UNKL: variants seen among roughly 807,000 people sequenced by gnomAD.
UNKL encodes unk like zinc finger, also known as putative E3 ubiquitin-protein ligase UNKL.
In UNKL, 60 loss-of-function variants were observed where a neutral mutation model predicts 78.0. The observed-to-expected ratio is 0.77, with a 90% CI of 0.63 to 0.95. The LOEUF is 0.95. Ranked by LOEUF, UNKL falls within the 40% of genes least tolerant of loss-of-function variation. The pLI, the probability that UNKL is intolerant of heterozygous loss-of-function variation, is 0.00. For synonymous variants in UNKL, 608 were observed against 474.8 expected (o/e 1.28, Z -3.65); for missense variants, 1,159 against 1,045.7 (o/e 1.11, Z -1.49).
intron 10 of UNKL, 53 bp downstream of exon 10, chr16:1,385,155 C>A (rs1163274872): frequency 8.3e-7 from 1 of 1,206,124 alleles, no homozygotes; most frequent in Non-Finnish European, 1.0e-6. Context: ...TGAAAAGCTA[C>A]AGCATGAACA....
At chr16:1,407,398 C>G (rs1193227523) in intron 2 of UNKL, 1 of 151,990 alleles carries the variant, frequency 6.6e-6, no homozygotes, top group Non-Finnish European at 1.5e-5. Flanking sequence ...CAGGTGACAC[C>G]GCCAAACAGA....
rs757505136 is a variant in UNKL at position 1,371,628 on chromosome 16, C to A, written c.1265-17G>T. On this transcript the variant is annotated splice_polypyrimidine_tract_variant and intron_variant, in intron 10 of 14. Transcript: ENST00000389221. Reference sequence around the variant, plus strand: ...ACGCAGAACCTGTCAACAGAGCCCCCCATCATCCACAGCCCACCCAGCGCT... The same window carrying A: ...ACGCAGAACCTGTCAACAGAGCCCCACATCATCCACAGCCCACCCAGCGCT... 186 of 1,535,278 alleles carry A rather than the reference C, an allele frequency of 1.2e-4. No individual in the cohort carries two copies. Among genetic ancestry groups the A allele is most frequent in the Non-Finnish European group, 1.6e-4 (180 of 1,146,342 alleles).
chr16:1,399,239 T>A lies in UNKL; in HGVS notation c.734+135A>T. 1 of 1,368,266 alleles carries A rather than the reference T, an allele frequency of 7.3e-7. No individual in the cohort carries two copies. The highest frequency in any genetic ancestry group is 9.6e-7 in the Non-Finnish European group (1 of 1,041,216). 84.8% of individuals were successfully genotyped at this position (1,368,266 alleles called of 1,614,324 possible). A position where few individuals can be genotyped will look rare whatever the true frequency, so the allele number is the denominator to read the frequency against. ...CTCCCACAGCCACTGTGCTTGGAGA[T>A]GCCCTCCCCTCCCGGGGATGATGGT... is the stretch of plus-strand genomic sequence containing the variant. On this transcript the variant is annotated intron_variant, in intron 5 of 14. Transcript: ENST00000389221. The surrounding 1 kb of genome is among the most constrained non-coding windows in gnomAD (Gnocchi z 5.8).
chr16:1,372,743 G>A (rs1181992272), intron 10 of UNKL, among the ~76,000 whole-genome samples: 4 of 152,196 alleles, frequency 2.6e-5, no homozygotes, highest in Non-Finnish European at 5.9e-5. Context: ...GGAGCTCTGG[G>A]ATACACCCTG....
rs117668983 is a variant in UNKL, at chr16:1,382,133, G to C, written c.1264+3075C>G. ...CCCTAGTTTCAAACTGAAAACACAT[G>C]TGGGCTTGTTTCTGCCTGAGAGAAA... On this transcript the variant is annotated intron_variant, in intron 10 of 14. Transcript: ENST00000389221. Among the ~76,000 whole-genome samples the C allele has an allele frequency of 1.1e-4, 17 of 152,318 alleles. No individual in the cohort carries two copies. In the East Asian group the frequency reaches 2.9e-3, roughly 26 times the overall value.
Position 1,399,454 on chromosome 16 carries a change from G to A in UNKL, c.654C>T (p.Arg218=), listed in dbSNP as rs763513022. 1.2e-6 allele frequency: 2 copies of A among 1,604,096 alleles called. No individual in the cohort carries two copies. Among genetic ancestry groups the A allele is most frequent in the Admixed American group, 1.7e-5 (1 of 59,024 alleles). The part of the protein sequence containing the change: ...YKTEQCPKPP[R]LCRQGYACPH... ...GGCACGCATAGCCCTGGCGGCACAG[G>A]CGTGGCGGCTTCGGGCACTGCTCCG... is the stretch of plus-strand genomic sequence containing the variant. The change falls in exon 5 of 15, where the codon CGC becomes CGT. Residue 218 remains arginine, a synonymous_variant. Transcript: ENST00000389221. This position sits in a 1 kb window ranked among gnomAD's most constrained non-coding sequence, Gnocchi z 5.8.
rs1198760801 is a variant in UNKL at position 1,363,520 on chromosome 16, A to T, written c.*2720T>A. The stretch of plus-strand genomic sequence containing the variant: ...CACTGTATCACGGCGAATGTCGAAC[A>T]CTAGAGTTACAGACGACAGGCAACA... On this transcript the variant is annotated 3_prime_UTR_variant, in exon 15 of 15. Transcript: ENST00000389221. 1 of 264,440 alleles carries T rather than the reference A, an allele frequency of 3.8e-6. No individual in the cohort carries two copies. The highest frequency in any genetic ancestry group is 5.1e-5 in the Admixed American group (1 of 19,494). The allele number at this position is 264,440 out of a possible 1,614,324, so 16.4% of individuals were successfully genotyped here. A position where few individuals can be genotyped will look rare whatever the true frequency, so the allele number is the denominator to read the frequency against.
chr16:1,367,565 TCCCTC>T, intron 13 of UNKL, 86 bp downstream of exon 13: 3 of 237,868 alleles, frequency 1.3e-5, no homozygotes, highest in Non-Finnish European at 2.2e-5. Context: ...CGGCCCTCCC[TCCCTC>T]CCCTCCCATC....
intron 5 of UNKL, chr16:1,398,269 T>A (rs1166018735): frequency 1.0e-6 from 1 of 990,924 alleles, no homozygotes; most frequent in Non-Finnish European, 1.2e-6. Context: ...AGAGTGAGAC[T>A]CTGTCTCATA....
chr16:1,403,268 T>A lies in UNKL; in HGVS notation c.364A>T (p.Ile122Phe), dbSNP rs764420372. ...TGGCCACGTGCGTCTGTCTCGTGGA[T>A]GCAGGTTCCTGTTTTGTAGTAACGC... ...HLRYYKTGTC[I>F]HETDARGHCV... The change falls in exon 3 of 15, where the codon ATC (isoleucine) becomes TTC (phenylalanine). Residue 122 changes from isoleucine to phenylalanine, a missense_variant. By Grantham distance (21) the Ile-to-Phe change is conservative. Transcript: ENST00000389221. The surrounding 1 kb of genome is among the most constrained non-coding windows in gnomAD (Gnocchi z 4.8). 3.7e-6 allele frequency: 6 copies of A among 1,614,102 alleles called. No homozygotes were observed. Among genetic ancestry groups the A allele is most frequent in the Non-Finnish European group, 5.1e-6 (6 of 1,180,042 alleles).
chr16:1,367,215 C>T lies in UNKL; in HGVS notation c.1923G>A (p.Glu641=). 2 of 1,603,482 alleles carry T rather than the reference C, an allele frequency of 1.2e-6. No individual in the cohort carries two copies. The highest frequency in any genetic ancestry group is 2.2e-5 in the East Asian group (1 of 44,596). Residue 641 remains glutamate (E), a synonymous_variant, in exon 14 of 15, where the codon GAG becomes GAA. Coordinates refer to ENST00000389221, the MANE Select transcript of UNKL (RefSeq NM_001372107.1). ...GCAGTGTGGAGGCTACGCCCAGGCC[C>T]TCCAGCTCCTCCTGCAGCTGCTTCA... ...AQVKQLQEEL[E]GLGVASTLPG... is the part of the protein sequence containing the mutation.
rs775541225 is a variant in UNKL at position 1,367,815 on chromosome 16, G to A, written c.1629C>T (p.Gly543=). 30 of 1,575,602 alleles carry A rather than the reference G, an allele frequency of 1.9e-5. No homozygotes were observed. The highest frequency in any genetic ancestry group is 2.6e-5 in the Non-Finnish European group (30 of 1,161,714). The change falls in exon 13 of 15, where the codon GGC becomes GGT. Residue 543 remains glycine, a synonymous_variant. Transcript: ENST00000389221. ...TGGGGGAGGGGCTGGGGGAGAAGCT[G>A]CCGGAAACAAAGTCCCAGATGCTCC... ...VPGSIWDFVS[G]SFSPSPSPIL... is the part of the protein sequence containing the mutation.
intron 9 of UNKL, among the ~76,000 whole-genome samples, chr16:1,389,110 C>CTA (rs2036939433): frequency 6.6e-6 from 1 of 151,116 alleles, no homozygotes; most frequent in Non-Finnish European, 1.5e-5. Context: ...GAATGTGACT[C>CTA]CACTAGAGAC....
intron 10 of UNKL, among the ~76,000 whole-genome samples, chr16:1,377,926 T>C (rs1035433113): frequency 6.6e-6 from 1 of 152,140 alleles, no homozygotes; most frequent in Non-Finnish European, 1.5e-5. Context: ...ATTGCAATAG[T>C]AACCTTCCTA....
chr16:1,369,835 C>T lies in UNKL; in HGVS notation c.1585+295G>A, dbSNP rs529721822. The T allele has an allele frequency of 2.7e-4, 271 of 992,346 alleles. 1 individual carries two copies. In the African/African-American group the frequency reaches 3.4e-3, roughly 12 times the overall value. The allele number at this position is 992,346 out of a possible 1,614,324, so 61.5% of individuals were successfully genotyped here. A position where few individuals can be genotyped will look rare whatever the true frequency, so the allele number is the denominator to read the frequency against. On this transcript the variant is annotated intron_variant, in intron 12 of 14. Transcript: ENST00000389221. ...ACTAAAAATACAAAAACTAGCTGGGCGTGGTGGCGCCCGCCTGTAGTCCCA... is the reference window on the plus strand; with the variant it reads ...ACTAAAAATACAAAAACTAGCTGGGTGTGGTGGCGCCCGCCTGTAGTCCCA...
At chr16:1,410,696 G>C (rs1429981043) in intron 2 of UNKL, among the ~76,000 whole-genome samples, 1 of 152,212 alleles carries the variant, frequency 6.6e-6, no homozygotes, top group East Asian at 1.9e-4. Flanking sequence ...TTAAGCAGCA[G>C]TGGCCCTACT....
chr16:1,380,111 C>T (rs2036542018), intron 10 of UNKL, among the ~76,000 whole-genome samples: 1 of 152,256 alleles, frequency 6.6e-6, no homozygotes, highest in African/African-American at 2.4e-5. Flanking sequence ...TCGCAGGTCT[C>T]TCTTAATCTG....
At chr16:1,375,594 G>A (rs188273311) in intron 10 of UNKL, among the ~76,000 whole-genome samples, 6 of 152,274 alleles carry the variant, frequency 3.9e-5, no homozygotes, top group Admixed American at 6.5e-5. Flanking sequence ...CCACTCCCAC[G>A]GAGACACCGT....
chr16:1,401,791 C>G, intron 3 of UNKL, 90 bp from the exon 4 acceptor site: 2 of 1,496,098 alleles, frequency 1.3e-6, no homozygotes, highest in Non-Finnish European at 1.8e-6. Context: ...CCCCTCCCAC[C>G]ACTGCACAGA....
Sources: allele counts gnomAD v4.1 joint callset (sites outside exome capture counted in the v4.1 genomes callset), GRCh38; gene constraint gnomAD v4.1.1; non-coding constraint Gnocchi (gnomAD v3.1); transcripts MANE v1.5; gene names NCBI Gene and HGNC (gene_info 2026-07-23, HGNC 2026-07-21).